The following TEP1 variants were observed in gnomAD, a reference collection of about 807,000 sequenced individuals.
TEP1 encodes the protein telomerase protein component 1.
A neutral mutation model predicts 306.3 loss-of-function variants in TEP1; 241 were observed. That is an observed-to-expected ratio of 0.79 (90% CI 0.71 to 0.88). TEP1 has a LOEUF of 0.88. Among genes scored for constraint, TEP1 ranks in the 40% least tolerant of loss-of-function variants. The pLI, the probability that TEP1 is intolerant of heterozygous loss-of-function variation, is 0.00. For synonymous variants in TEP1, 1,289 were observed against 1,305.5 expected, an observed-to-expected ratio of 0.99 and a Z score of 0.27; for missense variants, 3,051 against 3,276.1, an observed-to-expected ratio of 0.93 and a Z score of 1.68.
At chr14:20,368,988 C>T in intron 53 of TEP1, 86 bp from the exon 54 acceptor site, 1 of 888,846 alleles carries the variant, frequency 1.1e-6, no homozygotes, top group East Asian at 2.6e-5. Flanking sequence ...GTCAGACCTA[C>T]AGCCCTCCTC....
intron 49 of TEP1, 129 bp downstream of exon 49, chr14:20,372,604 A>C: frequency 7.1e-7 from 1 of 1,410,664 alleles, no homozygotes; most frequent in Non-Finnish European, 9.8e-7. Context: ...AGAAGCAGAA[A>C]ATAATGTCCC....
chr14:20,378,559 A>T, intron 37 of TEP1, 24 bp from the exon 38 acceptor site: 1 of 1,613,944 alleles, frequency 6.2e-7, no homozygotes, highest in Non-Finnish European at 8.5e-7. Context: ...AGGAGGAATC[A>T]GGATGCTGAA....
chr14:20,385,260 TTTTA>T, intron 20 of TEP1, 151 bp from the exon 21 acceptor site: 1 of 920,808 alleles, frequency 1.1e-6, no homozygotes, highest in Non-Finnish European at 1.6e-6. Flanking sequence ...AGCTAATGTT[TTTTA>T]TTTATTTTTA....
chr14:20,388,438 T>C (rs905899129), intron 17 of TEP1, among the ~76,000 whole-genome samples: 9 of 151,824 alleles, frequency 5.9e-5, no homozygotes, highest in Admixed American at 2.6e-4. Flanking sequence ...GGCTTTCTCA[T>C]AGGAGTTGAG....
At position 20,382,414 on chromosome 14, in the gene TEP1, T is replaced by G. The variant is rs45527036; in HGVS notation, c.4141-58A>C. The G allele has an allele frequency of 2.1e-3, 3,332 of 1,567,510 alleles. 6 individuals are homozygous for G. The highest frequency in any genetic ancestry group is 2.8e-3 in the Non-Finnish European group (3,178 of 1,155,604). On this transcript the variant is annotated intron_variant, in intron 28 of 54. Coordinates refer to ENST00000262715, the MANE Select transcript of TEP1 (RefSeq NM_007110.5). ...CAGTGGGAGGAGAAGCAGCTTGGCTTGTGGGATAGGGAAGGGGCAGCAGGA... is the reference window on the plus strand; with the variant it reads ...CAGTGGGAGGAGAAGCAGCTTGGCTGGTGGGATAGGGAAGGGGCAGCAGGA...
Position 20,367,371 on chromosome 14 carries a change from A to AAC in TEP1, c.*1065_*1066insGT, listed in dbSNP as rs1292991790. The AAC allele has an allele frequency of 1.4e-5, 2 of 145,638 alleles. No homozygotes were observed. Among genetic ancestry groups the AAC allele is most frequent in the East Asian group, 1.9e-4 (1 of 5,172 alleles). The allele number at this position is 145,638 out of a possible 1,614,324, so 9.0% of individuals were successfully genotyped here. On this transcript the variant is annotated 3_prime_UTR_variant, in exon 55 of 55. Coordinates refer to ENST00000262715, the MANE Select transcript of TEP1 (RefSeq NM_007110.5). ...GAGCCAGACTCTATCTCAAAAACAA[A>AAC]AAAAAAAAAAAAAGGTTTTTTACTT...
Position 20,369,408 on chromosome 14 carries a change from A to ATGCTGGCATCAGATTCCC in TEP1, c.7574_7591dup (p.Arg2525_Ser2530dup), listed in dbSNP as rs1884685644. The ATGCTGGCATCAGATTCCC allele has an allele frequency of 1.2e-6, 2 of 1,614,126 alleles. No homozygotes were observed. Among genetic ancestry groups the ATGCTGGCATCAGATTCCC allele is most frequent in the Middle Eastern group, 3.3e-4 (2 of 6,062 alleles). ...ACTATCCATGCTGGCATCACTATCCATGCTGGCATCAGATTCCCTGCAGGT... is the reference window on the plus strand; with the variant it reads ...ACTATCCATGCTGGCATCACTATCCATGCTGGCATCAGATTCCCTGCTGGCATCAGATTCCCTGCAGGT... On this transcript the variant is annotated inframe_insertion, in exon 53 of 55. Transcript: ENST00000262715.
At chr14:20,404,007 T>C in intron 5 of TEP1, 123 bp from the exon 6 acceptor site, 1 of 1,302,506 alleles carries the variant, frequency 7.7e-7, no homozygotes, top group Non-Finnish European at 1.1e-6. Flanking sequence ...CAGCCCTAGC[T>C]CCAAAATCAC....
At chr14:20,402,051 G>A (rs907240433) in intron 7 of TEP1, among the ~76,000 whole-genome samples, 10 of 152,178 alleles carry the variant, frequency 6.6e-5, no homozygotes, top group Admixed American at 1.3e-4. Context: ...CAAGGCAGGT[G>A]GATCATTTGA....
chr14:20,381,712 A>C lies in TEP1; in HGVS notation c.4425-26T>G. ...CTGTCCTCGTGTGAGGAAGGGAGAG[A>C]GAAGAAGGAAGAGGCCTGTCAGTGA... On this transcript the variant is annotated intron_variant, in intron 30 of 54. Coordinates refer to ENST00000262715, the MANE Select transcript of TEP1 (RefSeq NM_007110.5). The surrounding 1 kb of genome is among the most constrained non-coding windows in gnomAD (Gnocchi z 4.0). 1.3e-6 allele frequency: 2 copies of C among 1,568,720 alleles called. No individual in the cohort carries two copies. The highest frequency in any genetic ancestry group is 1.7e-6 in the Non-Finnish European group (2 of 1,159,684).
intron 28 of TEP1, 64 bp downstream of exon 28, chr14:20,382,559 G>T: frequency 6.3e-7 from 1 of 1,596,192 alleles, no homozygotes; most frequent in South Asian, 1.1e-5. Context: ...ATAGGGATGA[G>T]ACAAAGCAGC....
At chr14:20,374,250 C>T (rs1885038427) in intron 44 of TEP1, among the ~76,000 whole-genome samples, 179 bp downstream of exon 44, 1 of 152,006 alleles carries the variant, frequency 6.6e-6, no homozygotes, top group Non-Finnish European at 1.5e-5. Flanking sequence ...CCATGGTACC[C>T]AGCTAATTTT....
chr14:20,391,804 G>T (rs1392014238), intron 12 of TEP1, 37 bp from the exon 13 acceptor site: 1 of 1,606,368 alleles, frequency 6.2e-7, no homozygotes, highest in African/African-American at 1.3e-5. Context: ...GGGGCTCAGG[G>T]ACTTATCTGC....
intron 19 of TEP1, 99 bp downstream of exon 19, chr14:20,386,348 A>G: frequency 2.5e-6 from 4 of 1,574,476 alleles, no homozygotes; most frequent in Non-Finnish European, 3.4e-6. Context: ...TCCCGCCTTC[A>G]CCCTCATCCA....
intron 1 of TEP1, among the ~76,000 whole-genome samples, chr14:20,409,849 T>A (rs936129854): frequency 6.6e-6 from 1 of 151,356 alleles, no homozygotes; most frequent in Non-Finnish European, 1.5e-5. Flanking sequence ...TGAAACCCCA[T>A]CTCTACTAAA....
rs769519835 is a variant in TEP1 at position 20,377,624 on chromosome 14, T to C, written c.5851A>G (p.Ile1951Val). The C allele has an allele frequency of 2.5e-6, 4 of 1,613,944 alleles. No individual in the cohort carries two copies. In the Admixed American group the frequency reaches 5.0e-5, roughly 20 times the overall value. ...RVAVGYRADG[I>V]RIYKISSGSQ... ...CCTGAAGAGATTTTGTAGATCCTAATGCCATCCGCTCGATATCCAACAGCC... is the reference window on the plus strand; with the variant it reads ...CCTGAAGAGATTTTGTAGATCCTAACGCCATCCGCTCGATATCCAACAGCC... Residue 1951 changes from isoleucine (I) to valine (V), a missense_variant, in exon 40 of 55, where the codon ATT becomes GTT. This residue lies in a region of TEP1 where 1,540 missense variants were observed against 1,705.9 expected (regional missense o/e 0.90). Transcript: ENST00000262715.
At chr14:20,380,791 G>C in intron 33 of TEP1, 140 bp downstream of exon 33, 1 of 755,318 alleles carries the variant, frequency 1.3e-6, no homozygotes, top group Non-Finnish European at 2.2e-6. Flanking sequence ...TCACCCTCTT[G>C]GCATTTTCAA....
In TEP1 at chr14:20,401,545, T is replaced by A. The variant is rs937752386; in HGVS notation, c.1303A>T (p.Asn435Tyr). ...KAGDTVSEKK[N>Y]PPRFTLKKLV... Reference sequence around the variant, plus strand: ...TTCTTCAGGGTGAACCTTGGAGGATTCTTTTTCTCTGACACTGTATCACCG... The same window carrying A: ...TTCTTCAGGGTGAACCTTGGAGGATACTTTTTCTCTGACACTGTATCACCG... Residue 435 changes from asparagine to tyrosine, a missense_variant, in exon 8 of 55, where the codon AAT becomes TAT. This residue lies in a region of TEP1 where 1,507 missense variants were observed against 1,550.5 expected (regional missense o/e 0.97). Coordinates refer to ENST00000262715, the MANE Select transcript of TEP1 (RefSeq NM_007110.5). The A allele has an allele frequency of 6.8e-6, 11 of 1,614,086 alleles. No homozygotes were observed. The East Asian group carries it at 1.8e-4, about 26-fold the overall frequency.
chr14:20,378,552 A>T lies in TEP1; in HGVS notation c.5353-17T>A. On this transcript the variant is annotated splice_polypyrimidine_tract_variant and intron_variant, in intron 37 of 54. Coordinates refer to ENST00000262715, the MANE Select transcript of TEP1 (RefSeq NM_007110.5). Reference sequence around the variant, plus strand: ...GTCCCACAGCTGAGGGAGAGAGAGGAGGAATCAGGATGCTGAAGAGAGATG... The same window carrying T: ...GTCCCACAGCTGAGGGAGAGAGAGGTGGAATCAGGATGCTGAAGAGAGATG... The T allele has an allele frequency of 6.2e-7, 1 of 1,614,088 alleles. No homozygotes were observed. Among genetic ancestry groups the T allele is most frequent in the Non-Finnish European group, 8.5e-7 (1 of 1,179,998 alleles).
Sources: allele counts gnomAD v4.1 joint callset (sites outside exome capture counted in the v4.1 genomes callset), GRCh38; gene constraint gnomAD v4.1.1; regional missense constraint gnomAD v4.1.1; non-coding constraint Gnocchi (gnomAD v3.1); transcripts MANE v1.5; gene names NCBI Gene and HGNC (gene_info 2026-07-23, HGNC 2026-07-21).